The following LRP1B variants were observed in gnomAD, a reference collection of about 807,000 sequenced individuals.
LRP1B encodes low-density lipoprotein receptor-related protein 1B.
LRP1B carries 217 observed loss-of-function variants against 556.6 expected under a neutral mutation model. The ratio of observed to expected loss-of-function variants is 0.39; its 90% confidence interval spans 0.35 to 0.44. The LOEUF (loss-of-function observed/expected upper bound fraction) is 0.44. Ranked by LOEUF, LRP1B falls within the 20% of genes least tolerant of loss-of-function variation. The probability of loss-of-function intolerance (pLI) is 1.00; values close to 1 mark genes in which losing one functional copy is unlikely to be tolerated. For synonymous variants in LRP1B, 2,047 were observed against 1,865.8 expected (o/e 1.10, Z -2.50); for missense variants, 5,053 against 5,620.8 (o/e 0.90, Z 3.23).
At chr2:140,321,860 G>T in intron 82 of LRP1B, 103 bp downstream of exon 82, 1 of 1,164,448 alleles carries the variant, frequency 8.6e-7, no homozygotes, top group Non-Finnish European at 1.2e-6. Context: ...TATCAAGGTA[G>T]CTAAACTGAT....
chr2:140,447,107 T>C lies in LRP1B; in HGVS notation c.10058-2428A>G, dbSNP rs531565806. ...CAGGAAAATGCAAATAAAACCACAA[T>C]AAGATATCACCTTATACCTGTTAAG... On this transcript the variant is annotated intron_variant, in intron 63 of 90. Coordinates refer to ENST00000389484, the MANE Select transcript of LRP1B (RefSeq NM_018557.3). 3.9e-5 allele frequency among the ~76,000 whole-genome samples: 6 copies of C among 152,014 alleles called. No homozygotes were observed. In the South Asian group the frequency reaches 1.2e-3, roughly 32 times the overall value.
intron 66 of LRP1B, among the ~76,000 whole-genome samples, chr2:140,431,687 G>GT (rs1685951226): frequency 6.6e-6 from 1 of 152,068 alleles, no homozygotes; most frequent in Non-Finnish European, 1.5e-5. Flanking sequence ...TTTAATATCT[G>GT]TTTTTCTCCT....
chr2:141,234,548 T>G (rs1683584399), intron 5 of LRP1B, among the ~76,000 whole-genome samples: 1 of 152,012 alleles, frequency 6.6e-6, no homozygotes, highest in African/African-American at 2.4e-5. Flanking sequence ...GATTAATTTT[T>G]GTATTTTTAG....
intron 35 of LRP1B, among the ~76,000 whole-genome samples, chr2:140,764,791 T>G (rs1003797150): frequency 3.3e-5 from 5 of 152,134 alleles, no homozygotes; most frequent in African/African-American, 1.2e-4. Flanking sequence ...CATCCATAGT[T>G]TATATTAGCA....
chr2:140,276,718 G>A (rs1306805360), intron 84 of LRP1B, among the ~76,000 whole-genome samples: 2 of 151,940 alleles, frequency 1.3e-5, no homozygotes, highest in African/African-American at 2.4e-5. Context: ...TGTCTGATGA[G>A]ACATAGAAGT....
chr2:141,339,313 A>AAAAG (rs1687967623), intron 3 of LRP1B, among the ~76,000 whole-genome samples: 1 of 152,040 alleles, frequency 6.6e-6, no homozygotes, highest in Non-Finnish European at 1.5e-5. Flanking sequence ...AAAAAAAAAA[A>AAAAG]AGCATTCAAA....
At chr2:140,769,826 T>C (rs1265939038) in intron 34 of LRP1B, among the ~76,000 whole-genome samples, 6 of 33,300 alleles carry the variant, frequency 1.8e-4, no homozygotes, top group East Asian at 0.083. Context: ...TAATAGACAT[T>C]TAGATTTCTT....
At chr2:141,947,986 T>G (rs2105027995) in intron 1 of LRP1B, among the ~76,000 whole-genome samples, 1 of 152,076 alleles carries the variant, frequency 6.6e-6, no homozygotes, top group South Asian at 2.1e-4. Flanking sequence ...TGAGCCTCAG[T>G]TTTCTCATTT....
intron 1 of LRP1B, among the ~76,000 whole-genome samples, chr2:141,934,817 C>T (rs538430265): frequency 2.0e-4 from 30 of 152,306 alleles, no homozygotes; most frequent in Admixed American, 4.6e-4. Context: ...CCTGAGGCCT[C>T]CCCAGCCATG....
At chr2:142,013,351 G>T (rs1703014316) in intron 1 of LRP1B, among the ~76,000 whole-genome samples, 1 of 152,154 alleles carries the variant, frequency 6.6e-6, no homozygotes, top group African/African-American at 2.4e-5. Context: ...ATCGGAAGGT[G>T]ATTATGGAGG....
chr2:140,401,667 G>T (rs1684508763), intron 66 of LRP1B, among the ~76,000 whole-genome samples: 1 of 152,254 alleles, frequency 6.6e-6, no homozygotes, highest in African/African-American at 2.4e-5. Flanking sequence ...TACCTCCCCT[G>T]GGCAACATAG....
chr2:142,070,867 G>A (rs1705288064), intron 1 of LRP1B, among the ~76,000 whole-genome samples: 1 of 151,896 alleles, frequency 6.6e-6, no homozygotes, highest in African/African-American at 2.4e-5. Flanking sequence ...TGTACCAGAT[G>A]CTTTCATATA....
At chr2:141,056,706 T>C (rs534304362) in intron 9 of LRP1B, among the ~76,000 whole-genome samples, 47 of 151,992 alleles carry the variant, frequency 3.1e-4, no homozygotes, top group Middle Eastern at 3.4e-3. Flanking sequence ...CCATTTGTGA[T>C]TACTGCCTTG....
Position 141,864,059 on chromosome 2 carries a change from T to C in LRP1B, c.83-53658A>G, listed in dbSNP as rs78988088. Among the ~76,000 whole-genome samples the C allele has an allele frequency of 2.6e-3, 402 of 152,266 alleles. 12 individuals are homozygous for C. The East Asian group carries it at 0.054, about 20-fold the overall frequency. ...AAACAAGGAAACAGTTACAACATGT[T>C]GATGCTTTGGTTAAACAGCAACTAC... On this transcript the variant is annotated intron_variant, in intron 1 of 90. Transcript: ENST00000389484.
chr2:140,827,239 A>G (rs1691540992), intron 31 of LRP1B, among the ~76,000 whole-genome samples: 1 of 152,108 alleles, frequency 6.6e-6, no homozygotes, highest in Non-Finnish European at 1.5e-5. Flanking sequence ...TACAGCAAAC[A>G]GGGAACCAAG....
intron 6 of LRP1B, among the ~76,000 whole-genome samples, chr2:141,220,942 AG>A (rs1683011503): frequency 6.6e-6 from 1 of 152,142 alleles, no homozygotes; most frequent in Non-Finnish European, 1.5e-5. Flanking sequence ...TGGAAAGAAA[AG>A]TTCATTACCA....
At chr2:140,267,661 CT>C (rs942147532) in intron 86 of LRP1B, among the ~76,000 whole-genome samples, 1 of 151,818 alleles carries the variant, frequency 6.6e-6, no homozygotes, top group African/African-American at 2.4e-5. Context: ...CTGATTTGCA[CT>C]TGGTTGAACC....
At chr2:141,013,849 C>T (rs900145511) in intron 13 of LRP1B, 104 bp from the exon 14 acceptor site, 3 of 586,448 alleles carry the variant, frequency 5.1e-6, no homozygotes, top group Non-Finnish European at 8.1e-6. Context: ...ATAATAATCT[C>T]ATATCTTAAC....
intron 1 of LRP1B, among the ~76,000 whole-genome samples, chr2:142,124,946 T>A (rs975821246): frequency 2.6e-5 from 4 of 151,818 alleles, no homozygotes; most frequent in African/African-American, 9.7e-5. Context: ...TTCCATTTAG[T>A]TACTAGTCAG....
Sources: allele counts gnomAD v4.1 joint callset (sites outside exome capture counted in the v4.1 genomes callset), GRCh38; gene constraint gnomAD v4.1.1; transcripts MANE v1.5; gene names NCBI Gene and HGNC (gene_info 2026-07-23, HGNC 2026-07-21).